Variants in GNA12 observed in about 807,000 individuals in gnomAD.
GNA12 encodes G protein subunit alpha 12.
GNA12 carries 9 observed loss-of-function variants against 26.0 expected under a neutral mutation model. That is an observed-to-expected ratio of 0.35 (90% confidence interval 0.21 to 0.60). GNA12 has a LOEUF of 0.60. GNA12 is among the 20% of genes least tolerant of loss of function. GNA12 has a pLI of 0.78. For missense variants in GNA12, 405 were observed against 525.8 expected (o/e 0.77, Z 2.25); for synonymous variants, 264 against 219.6 (o/e 1.20, Z -1.79).
rs1468801646 is a variant in GNA12 at position 2,785,919 on chromosome 7, TAGTC to T, written c.525+9005_525+9008del. Among the ~76,000 whole-genome samples, 9 of 152,000 alleles carry T rather than the reference TAGTC, an allele frequency of 5.9e-5. No individual in the cohort carries two copies. The South Asian group carries it at 1.2e-3, about 21-fold the overall frequency. On this transcript the variant is annotated intron_variant, in intron 2 of 3. Coordinates refer to ENST00000275364, the MANE Select transcript of GNA12 (RefSeq NM_007353.3). ...AAAAATAAAAAAATAAATAAAAAAT[TAGTC>T]AGGTGTGGTGGCGGACGCCTGTAAT...
At chr7:2,843,723 G>A (rs1289024377) in intron 1 of GNA12, 130 bp downstream of exon 1, 1 of 447,030 alleles carries the variant, frequency 2.2e-6, no homozygotes, top group Non-Finnish European at 3.9e-6. Flanking sequence ...GTGGGGTGCA[G>A]GCGGGGCTGG....
At chr7:2,803,670 A>C (rs2115470671) in intron 1 of GNA12, among the ~76,000 whole-genome samples, 1 of 152,326 alleles carries the variant, frequency 6.6e-6, no homozygotes, top group East Asian at 1.9e-4. Context: ...GGGAAATCCA[A>C]GCTAAGCTTC....
intron 1 of GNA12, among the ~76,000 whole-genome samples, chr7:2,807,523 T>C (rs770688916): frequency 1.3e-4 from 20 of 151,926 alleles, no homozygotes; most frequent in Non-Finnish European, 2.2e-4. Context: ...TTACTATTAA[T>C]TACTGTCTCC....
intron 2 of GNA12, among the ~76,000 whole-genome samples, chr7:2,765,539 A>G (rs1206759233): frequency 6.6e-6 from 1 of 151,964 alleles, no homozygotes; most frequent in Non-Finnish European, 1.5e-5. Context: ...TCACTTCCTA[A>G]TCCTGTGACT....
At chr7:2,744,769 G>GA (rs562531755) in intron 2 of GNA12, among the ~76,000 whole-genome samples, 7 of 151,702 alleles carry the variant, frequency 4.6e-5, no homozygotes, top group African/African-American at 9.7e-5. Context: ...TAAAAACTTT[G>GA]AAAAAAAATT....
chr7:2,801,227 G>A (rs961720653), intron 1 of GNA12, among the ~76,000 whole-genome samples: 6 of 152,118 alleles, frequency 3.9e-5, no homozygotes, highest in Non-Finnish European at 5.9e-5. Flanking sequence ...AATTGGGTCC[G>A]ACCCACCAGG....
chr7:2,823,505 C>G (rs76542535), intron 1 of GNA12, among the ~76,000 whole-genome samples: 2 of 152,186 alleles, frequency 1.3e-5, no homozygotes, highest in East Asian at 1.9e-4. Flanking sequence ...GTCTTTCAAG[C>G]ATGCTAATAA....
At chr7:2,826,247 G>A (rs1041558323) in intron 1 of GNA12, among the ~76,000 whole-genome samples, 3 of 151,834 alleles carry the variant, frequency 2.0e-5, no homozygotes, top group Admixed American at 2.0e-4. Context: ...GCTTGGTGGT[G>A]GATGCCTGTA....
At chr7:2,782,207 T>C (rs1404284831) in intron 2 of GNA12, among the ~76,000 whole-genome samples, 1 of 152,230 alleles carries the variant, frequency 6.6e-6, no homozygotes, top group Non-Finnish European at 1.5e-5. Flanking sequence ...AAAGAAAATG[T>C]AGGTGTAAAT....
intron 2 of GNA12, among the ~76,000 whole-genome samples, chr7:2,750,016 G>C (rs1790952682): frequency 6.6e-6 from 1 of 152,298 alleles, no homozygotes; most frequent in South Asian, 2.1e-4. Context: ...CAAATTTGGT[G>C]AAAGACATAA....
intron 1 of GNA12, among the ~76,000 whole-genome samples, chr7:2,820,358 A>T (rs1793321838): frequency 6.6e-6 from 1 of 150,690 alleles, no homozygotes; most frequent in South Asian, 2.1e-4. Flanking sequence ...TGTAGGCTTT[A>T]AATGAGGGCA....
intron 1 of GNA12, among the ~76,000 whole-genome samples, chr7:2,818,864 C>G (rs766173116): frequency 2.6e-4 from 40 of 151,998 alleles, no homozygotes; most frequent in Non-Finnish European, 4.7e-4. Context: ...TCTCTCTGAC[C>G]AGCCTCACAA....
chr7:2,736,939 C>T (rs1397240763), intron 2 of GNA12, among the ~76,000 whole-genome samples: 1 of 152,246 alleles, frequency 6.6e-6, no homozygotes, highest in Admixed American at 6.5e-5. Flanking sequence ...ACCAGACCCT[C>T]GAGATCAGTA....
At chr7:2,774,584 G>C (rs569518981) in intron 2 of GNA12, among the ~76,000 whole-genome samples, 143 of 152,314 alleles carry the variant, frequency 9.4e-4, no homozygotes, top group Non-Finnish European at 1.4e-3. Context: ...CGAGGCAAAG[G>C]GGGGGTCCAG....
intron 2 of GNA12, among the ~76,000 whole-genome samples, chr7:2,787,654 C>G (rs963513945): frequency 1.3e-5 from 2 of 152,212 alleles, no homozygotes; most frequent in Admixed American, 1.3e-4. Flanking sequence ...GGCTGAAGGC[C>G]GCTTCCGTTG....
intron 1 of GNA12, chr7:2,814,772 T>TCCTAGAAA: frequency 9.5e-7 from 1 of 1,047,476 alleles, no homozygotes; most frequent in Non-Finnish European, 1.4e-6. Flanking sequence ...CCAACACACA[T>TCCTAGAAA]CCTAGAAAGG....
At chr7:2,825,285 G>A (rs561179160) in intron 1 of GNA12, among the ~76,000 whole-genome samples, 2 of 152,242 alleles carry the variant, frequency 1.3e-5, no homozygotes, top group African/African-American at 4.8e-5. Flanking sequence ...CCGAGCTCTT[G>A]CCAGGACTTC....
At position 2,731,139 on chromosome 7, in the gene GNA12, G is replaced by A. The variant is rs541762115; in HGVS notation, c.*42C>T. 11 of 1,371,216 alleles carry A rather than the reference G, an allele frequency of 8.0e-6. No individual in the cohort carries two copies. Among genetic ancestry groups the A allele is most frequent in the Admixed American group, 3.5e-5 (2 of 56,560 alleles). The allele number at this position is 1,371,216 out of a possible 1,614,324, so 84.9% of individuals were successfully genotyped here. ...ACACCCAAGAGTCTGACCGACAGCC[G>A]TGGGGGCTGCTCAACGACGACAAAC... is the stretch of plus-strand genomic sequence containing the variant. On this transcript the variant is annotated 3_prime_UTR_variant, in exon 4 of 4. Transcript: ENST00000275364. This position sits in a 1 kb window ranked among gnomAD's most constrained non-coding sequence, Gnocchi z 6.0.
chr7:2,835,183 C>A (rs1778799901), intron 1 of GNA12, among the ~76,000 whole-genome samples: 1 of 152,128 alleles, frequency 6.6e-6, no homozygotes, highest in African/African-American at 2.4e-5. Context: ...ACACATAAGT[C>A]AGGGAATGGA....
Sources: allele counts gnomAD v4.1 joint callset (sites outside exome capture counted in the v4.1 genomes callset), GRCh38; gene constraint gnomAD v4.1.1; non-coding constraint Gnocchi (gnomAD v3.1); transcripts MANE v1.5; gene names NCBI Gene and HGNC (gene_info 2026-07-23, HGNC 2026-07-21).